Variants in PCDHGA3 observed in about 807,000 individuals in gnomAD.
The protein encoded by PCDHGA3 is protocadherin gamma-A3.
In PCDHGA3, 40 loss-of-function variants were observed where a neutral mutation model predicts 58.5. The observed-to-expected ratio is 0.68, with a 90% confidence interval of 0.53 to 0.89. The LOEUF is 0.89. Ranked by LOEUF, PCDHGA3 falls within the 40% of genes least tolerant of loss-of-function variation. PCDHGA3 has a pLI of 0.00. For missense variants in PCDHGA3, 1,223 were observed against 1,195.9 expected (o/e 1.02, Z -0.33); for synonymous variants, 530 against 525.7 (o/e 1.01, Z -0.11).
rs367835171 is a variant in PCDHGA3, at chr5:141,346,439, A to G, written c.2406A>G (p.Gly802=). 1.4e-4 allele frequency: 228 copies of G among 1,614,146 alleles called. 1 individual carries two copies. The highest frequency in any genetic ancestry group is 1.8e-4 in the Non-Finnish European group (207 of 1,180,058). ...CTCAGGATTTACTTGAAATGAAAGG[A>G]GATTCCAACCTACTTCAGGTGAGTT... The part of the protein sequence containing the change: ...LITQDLLEMK[G]DSNLLQQAPP... The change falls in exon 1 of 4, where the codon GGA becomes GGG. Residue 802 remains glycine, a synonymous_variant. Coordinates refer to ENST00000253812, the MANE Select transcript of PCDHGA3 (RefSeq NM_018916.4).
chr5:141,356,595 C>G, intron 1 of PCDHGA3: 3 of 1,614,170 alleles, frequency 1.9e-6, no homozygotes, highest in South Asian at 2.2e-5. Context: ...CTGAAAACAA[C>G]CCCAGAGGAG....
At chr5:141,414,102 A>G in intron 1 of PCDHGA3, 1 of 1,593,854 alleles carries the variant, frequency 6.3e-7, no homozygotes, top group Non-Finnish European at 8.5e-7. Context: ...AAATATCAGA[A>G]AATCTAGATT....
chr5:141,403,895 T>C, intron 1 of PCDHGA3: 1 of 1,613,884 alleles, frequency 6.2e-7, no homozygotes, highest in Non-Finnish European at 8.5e-7. Context: ...ATGTTCATTT[T>C]ATGAAATGGA....
In PCDHGA3 at chr5:141,477,955, C is replaced by T. The variant is rs748233998; in HGVS notation, c.2425-16852C>T. The T allele has an allele frequency of 3.7e-6, 6 of 1,614,004 alleles. No homozygotes were observed. Among genetic ancestry groups the T allele is most frequent in the Admixed American group, 3.3e-5 (2 of 59,988 alleles). On this transcript the variant is annotated intron_variant, in intron 1 of 3. Transcript: ENST00000253812. This position sits in a 1 kb window ranked among gnomAD's most constrained non-coding sequence, Gnocchi z 4.9. ...GGCTCTCCTACAGTCTCTTGGGATCCCCTAACCAGAGCCTTTTTGCCATAG... is the reference window on the plus strand; with the variant it reads ...GGCTCTCCTACAGTCTCTTGGGATCTCCTAACCAGAGCCTTTTTGCCATAG...
chr5:141,495,469 C>G (rs1398171981), intron 2 of PCDHGA3, among the ~76,000 whole-genome samples: 1 of 152,220 alleles, frequency 6.6e-6, no homozygotes, highest in Non-Finnish European at 1.5e-5. Flanking sequence ...TGTGGGGTCT[C>G]CGTGTCTCTG....
intron 1 of PCDHGA3, chr5:141,364,288 A>G (rs1051262701): frequency 5.9e-6 from 9 of 1,517,572 alleles, no homozygotes; most frequent in Non-Finnish European, 7.9e-6. Context: ...AGGAAACAGC[A>G]GGCTGAACCA....
intron 1 of PCDHGA3, among the ~76,000 whole-genome samples, chr5:141,450,685 C>T (rs542985781): frequency 6.6e-6 from 1 of 152,020 alleles, no homozygotes; most frequent in South Asian, 2.1e-4. Context: ...CGGGGTTTTG[C>T]CATGTTGCCC....
chr5:141,370,327 A>T, intron 1 of PCDHGA3: 5 of 1,399,556 alleles, frequency 3.6e-6, no homozygotes, highest in Non-Finnish European at 4.8e-6. Context: ...TCCTGCTCGG[A>T]GAACTCTTGG....
At chr5:141,403,214 G>A in intron 1 of PCDHGA3, 5 of 1,613,990 alleles carry the variant, frequency 3.1e-6, no homozygotes, top group Non-Finnish European at 4.2e-6. Context: ...GGTCACCGCG[G>A]GTAGGATAGA....
chr5:141,349,923 A>G (rs1398409525), intron 1 of PCDHGA3, among the ~76,000 whole-genome samples: 1 of 152,212 alleles, frequency 6.6e-6, no homozygotes, highest in African/African-American at 2.4e-5. Flanking sequence ...TAAAGGGGAA[A>G]ATGTGAGTAT....
chr5:141,400,048 G>A (rs760963865), intron 1 of PCDHGA3: 3 of 1,613,664 alleles, frequency 1.9e-6, no homozygotes, highest in Non-Finnish European at 2.5e-6. Context: ...CCTGCTGGTT[G>A]CTGTGCGTGA....
At chr5:141,372,739 G>T (rs778027776) in intron 1 of PCDHGA3, 2 of 1,613,668 alleles carry the variant, frequency 1.2e-6, no homozygotes, top group South Asian at 2.2e-5. Context: ...GATCTTCTAT[G>T]TGATGAAGCC....
At chr5:141,506,682 C>T (rs1333272766) in intron 3 of PCDHGA3, among the ~76,000 whole-genome samples, 4 of 152,192 alleles carry the variant, frequency 2.6e-5, no homozygotes, top group African/African-American at 9.6e-5. Context: ...ATATTATTAT[C>T]TTTGCTGACC....
At chr5:141,382,649 T>C (rs1778342764) in intron 1 of PCDHGA3, 5 of 404,024 alleles carry the variant, frequency 1.2e-5, no homozygotes, top group Admixed American at 8.0e-5. Flanking sequence ...AGTAACTTAG[T>C]AAGGACTCAC....
chr5:141,493,641 G>A lies in PCDHGA3; in HGVS notation c.2425-1166G>A, dbSNP rs547664603. Among the ~76,000 whole-genome samples, 2 of 152,240 alleles carry A rather than the reference G, an allele frequency of 1.3e-5. No individual in the cohort carries two copies. The highest frequency in any genetic ancestry group is 3.9e-4 in the East Asian group (2 of 5,172). On this transcript the variant is annotated intron_variant, in intron 1 of 3. Coordinates refer to ENST00000253812, the MANE Select transcript of PCDHGA3 (RefSeq NM_018916.4). The surrounding 1 kb of genome is among the most constrained non-coding windows in gnomAD (Gnocchi z 4.3). The stretch of plus-strand genomic sequence containing the variant: ...CTAAGAATACAGTGGCTGAGGGCTG[G>A]CCATCCCTGTGCCCTTCTCCATGGC...
intron 1 of PCDHGA3, chr5:141,471,533 G>C (rs921328911): frequency 1.3e-5 from 2 of 152,234 alleles, no homozygotes. Context: ...AGGAAGCTAT[G>C]ATAGCATTTA....
chr5:141,359,431 A>C (rs1429796620), intron 1 of PCDHGA3, among the ~76,000 whole-genome samples: 1 of 151,820 alleles, frequency 6.6e-6, no homozygotes, highest in African/African-American at 2.4e-5. Flanking sequence ...TAGAATGGGC[A>C]GTGGGTTTCT....
intron 1 of PCDHGA3, among the ~76,000 whole-genome samples, chr5:141,402,305 A>AT (rs2150927260): frequency 6.6e-6 from 1 of 152,140 alleles, no homozygotes; most frequent in South Asian, 2.1e-4. Flanking sequence ...GTATTAATAC[A>AT]ATTATATATT....
At chr5:141,504,476 A>G (rs998883721) in intron 2 of PCDHGA3, among the ~76,000 whole-genome samples, 4 of 152,016 alleles carry the variant, frequency 2.6e-5, no homozygotes, top group African/African-American at 9.7e-5. Context: ...GGATGGGAGT[A>G]CAGTGGAGGC....
Sources: gnomAD v4.1 joint callset for allele counts (sites outside exome capture counted in the v4.1 genomes callset) on GRCh38, gnomAD v4.1.1 for gene constraint, Gnocchi (gnomAD v3.1) non-coding constraint, MANE v1.5 for transcripts, NCBI Gene and HGNC (gene_info 2026-07-23, HGNC 2026-07-21) for gene names.